The following UGT2B4 variants were observed in gnomAD, a reference collection of about 807,000 sequenced individuals.
UGT2B4 encodes the protein UDP-glucuronosyltransferase 2B4.
In UGT2B4, 49 loss-of-function variants were observed where a neutral mutation model predicts 49.8. That is an observed-to-expected ratio of 0.98 (90% CI 0.78 to 1.25). The LOEUF is 1.25. Ranked by LOEUF, UGT2B4 falls within the 50% of genes most tolerant of loss-of-function variation. UGT2B4 has a pLI of 0.00. For synonymous variants in UGT2B4, 246 were observed against 217.7 expected (o/e 1.13, Z -1.14); for missense variants, 729 against 627.7 (o/e 1.16, Z -1.73).
Position 69,485,367 on chromosome 4 carries a change from A to G in UGT2B4, c.1151T>C (p.Ile384Thr). 1.2e-6 allele frequency: 2 copies of G among 1,613,972 alleles called. No homozygotes were observed. Among genetic ancestry groups the G allele is most frequent in the Non-Finnish European group, 1.7e-6 (2 of 1,179,876 alleles). The change falls in exon 5 of 6, where the codon ATC becomes ACC. Residue 384 changes from isoleucine (I) to threonine (T), a missense_variant. By Grantham distance (89) the Ile-to-Thr change is moderately conservative. Transcript: ENST00000305107. ...GCCCACCATAGGGATTCCATGGTAGATTGCCTCATAGATGCCATTGGCTCC... is the reference window on the plus strand; with the variant it reads ...GCCCACCATAGGGATTCCATGGTAGGTTGCCTCATAGATGCCATTGGCTCC... ...HGGANGIYEAIYHGIPMVGVP... is the reference protein window; with the variant it reads ...HGGANGIYEATYHGIPMVGVP...
intron 2 of UGT2B4, among the ~76,000 whole-genome samples, chr4:69,490,739 G>T (rs916058812): frequency 2.0e-5 from 3 of 152,106 alleles, no homozygotes; most frequent in African/African-American, 7.2e-5. Context: ...AGACATCAGT[G>T]TTAATGATGT....
At chr4:69,515,006 G>C (rs1405356028) in intron 1 of UGT2B4, among the ~76,000 whole-genome samples, 2 of 152,158 alleles carry the variant, frequency 1.3e-5, no homozygotes, top group Non-Finnish European at 2.9e-5. Context: ...CAACACAGGA[G>C]CACCCAGATT....
At chr4:69,509,822 T>C (rs1357871786) in intron 1 of UGT2B4, among the ~76,000 whole-genome samples, 1 of 152,162 alleles carries the variant, frequency 6.6e-6, no homozygotes, top group Non-Finnish European at 1.5e-5. Flanking sequence ...CACTGTTGAC[T>C]GTTTTCTTTG....
In UGT2B4 at chr4:69,495,408, C is replaced by T; in HGVS notation, c.454G>A (p.Ala152Thr). The T allele has an allele frequency of 6.2e-7, 1 of 1,613,974 alleles. No individual in the cohort carries two copies. Among genetic ancestry groups the T allele is most frequent in the Non-Finnish European group, 8.5e-7 (1 of 1,179,958 alleles). ...AGCAGCTCACCAAAGGGGAAAACAG[C>T]ATCTGCAAGAACAACATCAAATCTT... Reference protein sequence around the residue: ...ESRFDVVLADAVFPFGELLAE... With the variant: ...ESRFDVVLADTVFPFGELLAE... The change falls in exon 1 of 6, where the codon GCT (alanine) becomes ACT (threonine). Residue 152 changes from alanine (A) to threonine (T), a missense_variant. Physicochemically the swap from Ala to Thr is moderately conservative, Grantham distance 58 (BLOSUM62 0). Transcript: ENST00000305107.
upstream of UGT2B4, among the ~76,000 whole-genome samples, chr4:69,497,401 C>T (rs1728195899): frequency 6.6e-6 from 1 of 152,258 alleles, no homozygotes; most frequent in Admixed American, 6.5e-5. Flanking sequence ...GGGCCTCCAA[C>T]TATCTTCCTT....
At position 69,523,894 on chromosome 4, in the gene UGT2B4, G is replaced by A. The variant is rs897203262; in HGVS notation, c.-106+1793C>T. On this transcript the variant is annotated intron_variant, in intron 1 of 1. Coordinates refer to the UGT2B4 transcript ENST00000510114. Reference sequence around the variant, plus strand: ...TGCAATTTCTACATCAGCACCTGCTGCTTTACTTTGCACTTTTTTGTTATG... The same window carrying A: ...TGCAATTTCTACATCAGCACCTGCTACTTTACTTTGCACTTTTTTGTTATG... Among the ~76,000 whole-genome samples the A allele has an allele frequency of 3.9e-5, 6 of 152,224 alleles. No homozygotes were observed. The East Asian group carries it at 1.2e-3, about 30-fold the overall frequency.
intron 1 of UGT2B4, among the ~76,000 whole-genome samples, chr4:69,511,987 G>A (rs1415572055): frequency 6.6e-6 from 1 of 151,232 alleles, no homozygotes; most frequent in Non-Finnish European, 1.5e-5. Context: ...TCTATTCTGA[G>A]GCATTAGTTG....
chr4:69,495,573 A>G lies in UGT2B4; in HGVS notation c.289T>C (p.Trp97Arg). 1 of 1,613,934 alleles carries G rather than the reference A, an allele frequency of 6.2e-7. No individual in the cohort carries two copies. The highest frequency in any genetic ancestry group is 1.7e-4 in the Middle Eastern group (1 of 6,054). ...EDIIKQLVKR[W>R]AELPKDTFWS... ...AATGTGTCTTTTGGAAGTTCTGCCC[A>G]TCTCTTAACCAGCTGCTTGATAATA... Residue 97 changes from tryptophan (W) to arginine (R), a missense_variant, in exon 1 of 6, where the codon TGG becomes CGG. Physicochemically the swap from Trp to Arg is moderately radical, Grantham distance 101 (BLOSUM62 -3). Transcript: ENST00000305107.
chr4:69,524,198 C>T (rs7654942), intron 1 of UGT2B4, among the ~76,000 whole-genome samples: 53,262 of 151,710 alleles, frequency 0.35, 9,421 homozygotes, highest in Non-Finnish European at 0.37. Flanking sequence ...TCTGTATTCA[C>T]AACTAGGTTA....
chr4:69,487,622 C>T (rs1367688266), intron 3 of UGT2B4, among the ~76,000 whole-genome samples: 2 of 151,982 alleles, frequency 1.3e-5, no homozygotes, highest in East Asian at 1.9e-4. Context: ...GAGAAAGGAT[C>T]AGGAAAAATA....
chr4:69,481,130 G>A (rs1010242809), intron 5 of UGT2B4, among the ~76,000 whole-genome samples: 5 of 133,060 alleles, frequency 3.8e-5, no homozygotes, highest in African/African-American at 1.4e-4. Flanking sequence ...TTACCCAGGC[G>A]TGGTGGCATG....
At chr4:69,494,564 G>T (rs189570212) in intron 1 of UGT2B4, among the ~76,000 whole-genome samples, 4 of 151,992 alleles carry the variant, frequency 2.6e-5, no homozygotes, top group Non-Finnish European at 4.4e-5. Flanking sequence ...AAAATAAATG[G>T]TTTCCAATCC....
intron 2 of UGT2B4, among the ~76,000 whole-genome samples, chr4:69,490,803 C>G (rs754901285): frequency 3.3e-5 from 5 of 152,152 alleles, no homozygotes; most frequent in Non-Finnish European, 4.4e-5. Context: ...AGGTATTGTG[C>G]GTAATTGCAG....
At chr4:69,501,893 C>G (rs1728327542) in intron 1 of UGT2B4, among the ~76,000 whole-genome samples, 1 of 152,122 alleles carries the variant, frequency 6.6e-6, no homozygotes, top group Non-Finnish European at 1.5e-5. Flanking sequence ...ACTTAAGGCC[C>G]TGGTGGAGTG....
chr4:69,525,954 A>G (rs1728974970), exon 1 of UGT2B4: 1 of 196,416 alleles, frequency 5.1e-6, no homozygotes, highest in African/African-American at 2.4e-5. Context: ...ACAAAAAATT[A>G]GCCAGGCTTG....
At chr4:69,506,835 G>A (rs917858992) in intron 1 of UGT2B4, among the ~76,000 whole-genome samples, 1 of 152,014 alleles carries the variant, frequency 6.6e-6, no homozygotes, top group African/African-American at 2.4e-5. Flanking sequence ...CAACACACTG[G>A]CAAGCTGAAT....
At chr4:69,521,933 T>A (rs899555947) in intron 1 of UGT2B4, among the ~76,000 whole-genome samples, 9 of 152,198 alleles carry the variant, frequency 5.9e-5, no homozygotes, top group Non-Finnish European at 1.2e-4. Context: ...ATATATCAAA[T>A]GATGCAGCAA....
intron 2 of UGT2B4, among the ~76,000 whole-genome samples, chr4:69,491,204 C>T (rs1267790893): frequency 1.3e-5 from 2 of 151,642 alleles, no homozygotes; most frequent in African/African-American, 4.8e-5. Context: ...AACGTGTCAG[C>T]CTGTAATATT....
At chr4:69,525,614 T>C in intron 1 of UGT2B4, 1 of 972,086 alleles carries the variant, frequency 1.0e-6, no homozygotes, top group Non-Finnish European at 1.3e-6. Flanking sequence ...AGACAATAGA[T>C]TATCTACTCA....
Sources: allele counts gnomAD v4.1 joint callset (sites outside exome capture counted in the v4.1 genomes callset), GRCh38; gene constraint gnomAD v4.1.1; transcripts MANE v1.5; gene names NCBI Gene and HGNC (gene_info 2026-07-23, HGNC 2026-07-21).